PCDH11X: variants seen among roughly 807,000 people sequenced by gnomAD.
PCDH11X encodes protocadherin 11 X-linked.
In PCDH11X, 18 loss-of-function variants were observed where a neutral mutation model predicts 53.3. The observed-to-expected ratio is 0.34, with a 90% CI of 0.23 to 0.50. The LOEUF (loss-of-function observed/expected upper bound fraction) is 0.50, where lower values mean the gene tolerates loss of function less well. PCDH11X is among the 20% of genes least tolerant of loss of function. The pLI is 0.98. For missense variants in PCDH11X, 570 were observed against 1,032.4 expected (o/e 0.55, Z 6.14); for synonymous variants, 279 against 393.3 (o/e 0.71, Z 3.44).
intron 4 of PCDH11X, among the ~76,000 whole-genome samples, chrX:91,825,053 C>T (rs961529305): frequency 9.0e-6 from 1 of 111,233 alleles, no homozygotes; most frequent in Non-Finnish European, 1.9e-5. Context: ...CAACTGCATA[C>T]TGGGAGAACC....
At chrX:92,410,724 T>G (rs1445474320) in intron 9 of PCDH11X, among the ~76,000 whole-genome samples, 2 of 98,449 alleles carry the variant, frequency 2.0e-5, no homozygotes, top group African/African-American at 8.9e-5. Context: ...GCAGGAAATG[T>G]TAGGAATTTA....
intron 7 of PCDH11X, among the ~76,000 whole-genome samples, chrX:92,215,342 C>G (rs959248143): frequency 9.3e-6 from 1 of 107,229 alleles, no homozygotes; most frequent in Non-Finnish European, 1.9e-5. Context: ...TCGGGTCACT[C>G]CCACCCTAAT....
chrX:92,133,374 T>A (rs938315711), intron 6 of PCDH11X, among the ~76,000 whole-genome samples: 1 of 111,510 alleles, frequency 9.0e-6, no homozygotes, highest in African/African-American at 3.3e-5. Flanking sequence ...ATTTTTTTTC[T>A]TTGTTTCTTT....
chrX:92,169,906 T>C (rs764011775), intron 6 of PCDH11X, among the ~76,000 whole-genome samples: 1 of 111,089 alleles, frequency 9.0e-6, no homozygotes, highest in Non-Finnish European at 1.9e-5. Context: ...TATAGGTTAA[T>C]ATTAACTGTA....
chrX:91,941,019 A>G (rs934915816), intron 6 of PCDH11X, among the ~76,000 whole-genome samples: 28 of 111,043 alleles, frequency 2.5e-4, no homozygotes, highest in Non-Finnish European at 5.1e-4. Flanking sequence ...TACTGTAGTC[A>G]CTAATAACTT....
chrX:92,579,197 C>A (rs1923347902), intron 10 of PCDH11X, among the ~76,000 whole-genome samples: 2 of 102,112 alleles, frequency 2.0e-5, no homozygotes, highest in Admixed American at 1.1e-4. Context: ...TTCACTTCCA[C>A]TTTGGGGAAC....
At chrX:91,834,478 T>G (rs1339219397) in intron 4 of PCDH11X, among the ~76,000 whole-genome samples, 1 of 108,072 alleles carries the variant, frequency 9.3e-6, no homozygotes, top group Non-Finnish European at 1.9e-5. Flanking sequence ...AAGCTGTTCC[T>G]TGAAGTTGTA....
intron 1 of PCDH11X, among the ~76,000 whole-genome samples, chrX:91,791,923 G>A (rs1246252415): frequency 2.9e-5 from 3 of 101,968 alleles, no homozygotes; most frequent in African/African-American, 7.2e-5. Context: ...GTGCAGTGGC[G>A]CAATCTCGGC....
At chrX:91,984,068 A>G (rs2147932351) in intron 6 of PCDH11X, among the ~76,000 whole-genome samples, 1 of 96,516 alleles carries the variant, frequency 1.0e-5, no homozygotes, top group South Asian at 5.1e-4. Flanking sequence ...TAAGTCAATG[A>G]TGTTCTTTAA....
intron 8 of PCDH11X, among the ~76,000 whole-genome samples, chrX:92,315,489 T>C: frequency 8.9e-6 from 1 of 111,837 alleles, no homozygotes; most frequent in East Asian, 2.8e-4. Flanking sequence ...AAAAGTGACC[T>C]TAAACCATAA....
chrX:92,326,639 T>TATATATATATATATATATAG (rs758088746), intron 8 of PCDH11X, among the ~76,000 whole-genome samples: 19 of 39,277 alleles, frequency 4.8e-4, no homozygotes, highest in South Asian at 2.3e-3. Context: ...TATATATATA[T>TATATATATATATATATATAG]AGAGAGAGAG....
At chrX:92,549,286 C>G (rs979757175) in intron 10 of PCDH11X, among the ~76,000 whole-genome samples, 1 of 107,471 alleles carries the variant, frequency 9.3e-6, no homozygotes, top group African/African-American at 3.4e-5. Flanking sequence ...TTTTGTAGCA[C>G]TCATTTATAA....
intron 6 of PCDH11X, among the ~76,000 whole-genome samples, chrX:92,192,509 AT>A (rs1293053089): frequency 2.4e-4 from 25 of 102,756 alleles, no homozygotes; most frequent in East Asian, 9.2e-4. Context: ...CGCCCAGCTA[AT>A]TTTTTTTTTT....
intron 9 of PCDH11X, among the ~76,000 whole-genome samples, chrX:92,449,912 G>A (rs1222041194): frequency 9.0e-6 from 1 of 111,070 alleles, no homozygotes; most frequent in African/African-American, 3.3e-5. Context: ...GCACATGGTA[G>A]GTGTAACAGA....
At chrX:92,556,482 C>A (rs1306852514) in intron 10 of PCDH11X, among the ~76,000 whole-genome samples, 1 of 111,586 alleles carries the variant, frequency 9.0e-6, no homozygotes, top group Non-Finnish European at 1.9e-5. Context: ...TATGCAAGTA[C>A]AAAACCCAAC....
intron 6 of PCDH11X, among the ~76,000 whole-genome samples, chrX:91,974,543 T>A (rs1462240901): frequency 9.0e-6 from 1 of 110,558 alleles, no homozygotes; most frequent in Non-Finnish European, 1.9e-5. Flanking sequence ...TACAGGTATG[T>A]TCAAGGAATC....
rs1167200414 is a variant in PCDH11X at position 92,621,953 on chromosome X, C to T, written c.*3013C>T. The T allele has an allele frequency of 9.5e-6, 1 of 105,413 alleles. No individual in the cohort carries two copies. Among genetic ancestry groups the T allele is most frequent in the Non-Finnish European group, 1.9e-5 (1 of 51,340 alleles). The allele number at this position is 105,413 out of a possible 1,213,427, so 8.7% of individuals were successfully genotyped here. A position where few individuals can be genotyped will look rare whatever the true frequency, so the allele number is the denominator to read the frequency against. On this transcript the variant is annotated 3_prime_UTR_variant, in exon 11 of 11. Transcript: ENST00000682573. ...TTCTAGCTATGGTATTACTATATCA[C>T]ACTTGTGAGTATGTATTCAAATACT...
chrX:92,507,957 C>T (rs2750871), intron 10 of PCDH11X, among the ~76,000 whole-genome samples: 2 of 109,162 alleles, frequency 1.8e-5, no homozygotes, highest in Admixed American at 9.8e-5. Flanking sequence ...GGATTACAGG[C>T]GCCCGCCACC....
intron 9 of PCDH11X, among the ~76,000 whole-genome samples, chrX:92,430,056 T>C (rs1198705119): frequency 9.4e-6 from 1 of 106,498 alleles, no homozygotes; most frequent in East Asian, 2.8e-4. Context: ...GCTTATTGTA[T>C]TGCAAGCTTC....
Sources: allele counts gnomAD v4.1 joint callset (sites outside exome capture counted in the v4.1 genomes callset), GRCh38; gene constraint gnomAD v4.1.1; transcripts MANE v1.5; gene names NCBI Gene and HGNC (gene_info 2026-07-23, HGNC 2026-07-21).